Variants in PDSS2 observed in about 807,000 individuals in gnomAD.
PDSS2 encodes the protein decaprenyl diphosphate synthase subunit 2, also known as all trans-polyprenyl-diphosphate synthase PDSS2.
PDSS2 carries 31 observed loss-of-function variants against 44.5 expected under a neutral mutation model. The observed-to-expected ratio is 0.70, with a 90% CI of 0.52 to 0.94. PDSS2 has a LOEUF of 0.94. PDSS2 is among the 40% of genes least tolerant of loss of function. PDSS2 has a pLI of 0.00. For synonymous variants in PDSS2, 157 were observed against 180.3 expected (o/e 0.87, Z 1.03); for missense variants, 452 against 482.2 (o/e 0.94, Z 0.59).
chr6:107,213,209 C>G (rs1274485831), intron 4 of PDSS2, among the ~76,000 whole-genome samples: 1 of 151,928 alleles, frequency 6.6e-6, no homozygotes, highest in African/African-American at 2.4e-5. Context: ...CAGAGTTTCT[C>G]CATGTTGGCC....
chr6:107,372,901 A>C lies in PDSS2; in HGVS notation c.297-38569T>G, dbSNP rs138774372. Among the ~76,000 whole-genome samples, 51 of 152,258 alleles carry C rather than the reference A, an allele frequency of 3.3e-4. No homozygotes were observed. In the East Asian group the frequency reaches 9.5e-3, roughly 28 times the overall value. Reference sequence around the variant, plus strand: ...TAGGTCTCAAATTTTCATGTTTCTCAATGTATACAGGTAATTATAGAAGAG... The same window carrying C: ...TAGGTCTCAAATTTTCATGTTTCTCCATGTATACAGGTAATTATAGAAGAG... On this transcript the variant is annotated intron_variant, in intron 1 of 7. Coordinates refer to ENST00000369037, the MANE Select transcript of PDSS2 (RefSeq NM_020381.4).
At chr6:107,407,354 T>A (rs187845823) in intron 1 of PDSS2, among the ~76,000 whole-genome samples, 4 of 152,310 alleles carry the variant, frequency 2.6e-5, no homozygotes, top group Admixed American at 2.6e-4. Context: ...TGAAAATTAA[T>A]AGTGGTGATA....
At chr6:107,390,132 G>C (rs1779735251) in intron 1 of PDSS2, among the ~76,000 whole-genome samples, 1 of 152,052 alleles carries the variant, frequency 6.6e-6, no homozygotes, top group African/African-American at 2.4e-5. Flanking sequence ...AATTTACACA[G>C]ATACCCTCCA....
intron 2 of PDSS2, among the ~76,000 whole-genome samples, chr6:107,309,552 A>G (rs1323598175): frequency 6.6e-6 from 1 of 152,182 alleles, no homozygotes; most frequent in Non-Finnish European, 1.5e-5. Flanking sequence ...TTCTCTATGA[A>G]AAAGACTGAG....
intron 7 of PDSS2, among the ~76,000 whole-genome samples, chr6:107,158,730 CT>C (rs35730527): frequency 2.7e-5 from 4 of 149,602 alleles, no homozygotes; most frequent in African/African-American, 7.4e-5. Context: ...TAACTGTTTT[CT>C]TTTTTTTTTC....
chr6:107,403,891 C>G (rs1583041901), intron 1 of PDSS2, among the ~76,000 whole-genome samples: 1 of 152,144 alleles, frequency 6.6e-6, no homozygotes, highest in African/African-American at 2.4e-5. Context: ...TGTCCTGGAG[C>G]CATTTTCCCC....
chr6:107,354,134 C>A (rs975317912), intron 1 of PDSS2, among the ~76,000 whole-genome samples: 4 of 151,974 alleles, frequency 2.6e-5, no homozygotes, highest in Non-Finnish European at 5.9e-5. Flanking sequence ...TAAATAAACA[C>A]ATGAAGATCT....
intron 2 of PDSS2, among the ~76,000 whole-genome samples, chr6:107,306,375 G>A (rs1776860271): frequency 1.3e-5 from 2 of 152,138 alleles, no homozygotes; most frequent in South Asian, 4.1e-4. Context: ...CTCTTTGCCT[G>A]CTGCCATCAA....
intron 1 of PDSS2, among the ~76,000 whole-genome samples, chr6:107,361,095 C>T (rs1357464030): frequency 3.3e-5 from 5 of 151,950 alleles, no homozygotes; most frequent in Non-Finnish European, 7.4e-5. Context: ...ATTTGGAAAA[C>T]CTTCATTGTG....
intron 4 of PDSS2, among the ~76,000 whole-genome samples, chr6:107,225,166 T>A (rs1404575724): frequency 0.058 from 2,184 of 37,916 alleles, 180 homozygotes; most frequent in African/African-American, 0.18. Flanking sequence ...TATATATTTT[T>A]TTTTTTTTTT....
At chr6:107,167,977 T>C (rs1368505140) in intron 7 of PDSS2, among the ~76,000 whole-genome samples, 3 of 152,214 alleles carry the variant, frequency 2.0e-5, no homozygotes, top group Admixed American at 1.3e-4. Context: ...GAGAGTTCTG[T>C]AGATGTCTAT....
intron 1 of PDSS2, among the ~76,000 whole-genome samples, chr6:107,382,882 T>C (rs889538006): frequency 6.6e-6 from 1 of 152,114 alleles, no homozygotes; most frequent in African/African-American, 2.4e-5. Flanking sequence ...CAGTTGATTT[T>C]TGACAAAGAC....
intron 1 of PDSS2, among the ~76,000 whole-genome samples, chr6:107,387,019 C>T (rs1779631892): frequency 6.6e-6 from 1 of 152,196 alleles, no homozygotes; most frequent in Non-Finnish European, 1.5e-5. Context: ...AACAGAATAA[C>T]TTAATCCACA....
At position 107,153,596 on chromosome 6, in the gene PDSS2, A is replaced by G. The variant is rs1770781214; in HGVS notation, c.*1023T>C. 6.6e-6 allele frequency: 1 copy of G among 152,638 alleles called. No homozygotes were observed. Among genetic ancestry groups the G allele is most frequent in the African/African-American group, 2.4e-5 (1 of 41,458 alleles). 9.5% of individuals were successfully genotyped at this position (152,638 alleles called of 1,614,324 possible). ...AAGAAAAAAAAAATTTGGTTCTTTG[A>G]AATGTGTTTGAATAAAAAAACTGAT... is the stretch of plus-strand genomic sequence containing the variant. On this transcript the variant is annotated 3_prime_UTR_variant, in exon 8 of 8. Transcript: ENST00000369037.
At chr6:107,406,564 T>C (rs1010955456) in intron 1 of PDSS2, among the ~76,000 whole-genome samples, 19 of 152,230 alleles carry the variant, frequency 1.2e-4, no homozygotes, top group African/African-American at 4.6e-4. Flanking sequence ...AAGTATGTTT[T>C]GAATGATAGA....
intron 1 of PDSS2, among the ~76,000 whole-genome samples, chr6:107,402,369 C>A (rs59193177): frequency 7.3e-6 from 1 of 136,888 alleles, no homozygotes; most frequent in South Asian, 2.4e-4. Context: ...AACAATCAAA[C>A]GTATAAATCA....
intron 2 of PDSS2, among the ~76,000 whole-genome samples, chr6:107,300,907 A>C (rs1776672750): frequency 6.6e-6 from 1 of 152,118 alleles, no homozygotes; most frequent in African/African-American, 2.4e-5. Context: ...CCCAACAGAA[A>C]ACTACTGACA....
At chr6:107,348,440 T>C (rs1778323068) in intron 1 of PDSS2, among the ~76,000 whole-genome samples, 1 of 152,232 alleles carries the variant, frequency 6.6e-6, no homozygotes, top group Non-Finnish European at 1.5e-5. Flanking sequence ...GAGTCATTGC[T>C]ATTACTCCAA....
At chr6:107,379,765 A>T (rs1779399878) in intron 1 of PDSS2, among the ~76,000 whole-genome samples, 1 of 151,634 alleles carries the variant, frequency 6.6e-6, no homozygotes, top group South Asian at 2.1e-4. Context: ...TTTTTAATTC[A>T]TGTTGTTTAG....
Sources: allele counts gnomAD v4.1 joint callset (sites outside exome capture counted in the v4.1 genomes callset), GRCh38; gene constraint gnomAD v4.1.1; transcripts MANE v1.5; gene names NCBI Gene and HGNC (gene_info 2026-07-23, HGNC 2026-07-21).